LDLRAD3: variants seen among roughly 807,000 people sequenced by gnomAD.
LDLRAD3 encodes low-density lipoprotein receptor class A domain-containing protein 3.
A neutral mutation model predicts 29.4 loss-of-function variants in LDLRAD3; 20 were observed. The observed-to-expected ratio is 0.68, with a 90% CI of 0.48 to 0.99. The LOEUF (loss-of-function observed/expected upper bound fraction) is 0.99, where lower values mean the gene tolerates loss of function less well. Among genes scored for constraint, LDLRAD3 ranks in the 50% least tolerant of loss-of-function variants. The pLI is 0.00. For missense variants in LDLRAD3, 420 were observed against 454.3 expected (o/e 0.92, Z 0.69); for synonymous variants, 157 against 192.7 (o/e 0.81, Z 1.53).
intron 4 of LDLRAD3, among the ~76,000 whole-genome samples, chr11:36,207,082 ACTT>A (rs1355299512): frequency 6.6e-6 from 1 of 152,118 alleles, no homozygotes; most frequent in Non-Finnish European, 1.5e-5. Context: ...ATGTGATTGC[ACTT>A]CTTCTGTCTG....
intron 1 of LDLRAD3, among the ~76,000 whole-genome samples, chr11:35,989,213 T>G (rs1212705363): frequency 6.6e-6 from 1 of 152,216 alleles, no homozygotes; most frequent in African/African-American, 2.4e-5. Flanking sequence ...GGTTCTCTCT[T>G]CTGTTCCATT....
chr11:36,064,667 C>G (rs1852762768), intron 2 of LDLRAD3, among the ~76,000 whole-genome samples: 1 of 152,024 alleles, frequency 6.6e-6, no homozygotes, highest in Non-Finnish European at 1.5e-5. Context: ...TTCTTGTTTT[C>G]TAATGTAGGC....
chr11:36,071,177 T>C (rs983737064), intron 2 of LDLRAD3, among the ~76,000 whole-genome samples: 16 of 152,168 alleles, frequency 1.1e-4, no homozygotes, highest in African/African-American at 3.6e-4. Context: ...AAGGAGCAAC[T>C]TAACAAAAAT....
chr11:35,988,404 T>C (rs1250948816), intron 1 of LDLRAD3, among the ~76,000 whole-genome samples: 2 of 152,166 alleles, frequency 1.3e-5, no homozygotes, highest in Middle Eastern at 3.2e-3. Flanking sequence ...TTTTGCCCAC[T>C]TTTTAATGAG....
intron 1 of LDLRAD3, among the ~76,000 whole-genome samples, chr11:35,980,458 A>T (rs1357180194): frequency 6.6e-6 from 1 of 152,218 alleles, no homozygotes; most frequent in Non-Finnish European, 1.5e-5. Flanking sequence ...TGGAAATTCT[A>T]GTTCATTTAG....
chr11:36,096,545 G>A (rs192788863), intron 3 of LDLRAD3, among the ~76,000 whole-genome samples: 7 of 152,230 alleles, frequency 4.6e-5, no homozygotes, highest in Non-Finnish European at 8.8e-5. Flanking sequence ...CTGTAGGACC[G>A]AGATTCACAT....
chr11:36,020,885 C>G (rs897223199), intron 1 of LDLRAD3, among the ~76,000 whole-genome samples: 1 of 152,126 alleles, frequency 6.6e-6, no homozygotes, highest in African/African-American at 2.4e-5. Flanking sequence ...GAAGCCAAGA[C>G]TGGAGCCAGG....
chr11:36,115,452 C>G (rs1288337016), intron 4 of LDLRAD3, among the ~76,000 whole-genome samples: 1 of 152,080 alleles, frequency 6.6e-6, no homozygotes, highest in Non-Finnish European at 1.5e-5. Flanking sequence ...CTTACTTTTC[C>G]TAGGGGCAGC....
intron 4 of LDLRAD3, among the ~76,000 whole-genome samples, chr11:36,140,910 G>A (rs543431129): frequency 1.8e-4 from 28 of 151,704 alleles, no homozygotes; most frequent in Non-Finnish European, 2.9e-4. Context: ...TGCCTTATCC[G>A]AAAGGTACTA....
chr11:36,002,613 C>T (rs1214896243), intron 1 of LDLRAD3, among the ~76,000 whole-genome samples: 1 of 152,210 alleles, frequency 6.6e-6, no homozygotes, highest in Non-Finnish European at 1.5e-5. Flanking sequence ...TCATCAGGCC[C>T]GTCCTGGACT....
At chr11:36,105,263 AAGAC>A (rs1853512112) in intron 4 of LDLRAD3, among the ~76,000 whole-genome samples, 2 of 130,706 alleles carry the variant, frequency 1.5e-5, no homozygotes, top group African/African-American at 6.2e-5. Context: ...GAGAGAGAGA[AAGAC>A]AAGGCGGTGT....
At chr11:36,061,337 C>T (rs189300244) in intron 2 of LDLRAD3, among the ~76,000 whole-genome samples, 1 of 152,236 alleles carries the variant, frequency 6.6e-6, no homozygotes, top group African/African-American at 2.4e-5. Flanking sequence ...GACGGGGTTT[C>T]ACCATGTTGG....
At position 35,944,660 on chromosome 11, in the gene LDLRAD3, C is replaced by T. The variant is rs1352733218; in HGVS notation, c.46+516C>T. On this transcript the variant is annotated intron_variant, in intron 1 of 5. Coordinates refer to ENST00000315571, the MANE Select transcript of LDLRAD3 (RefSeq NM_174902.4). This position sits in a 1 kb window ranked among gnomAD's most constrained non-coding sequence, Gnocchi z 4.9. ...CGCGGAGGGAGTAGCAAAGCTGCTT[C>T]CTTTCATTCCTCTCTGGGACTGTTT... Among the ~76,000 whole-genome samples the T allele has an allele frequency of 6.6e-6, 1 of 152,184 alleles. No homozygotes were observed. The highest frequency in any genetic ancestry group is 2.4e-5 in the African/African-American group (1 of 41,454).
At chr11:36,105,236 TGTGAGA>T (rs1212832279) in intron 4 of LDLRAD3, among the ~76,000 whole-genome samples, 24 of 135,150 alleles carry the variant, frequency 1.8e-4, no homozygotes, top group African/African-American at 3.9e-4. Flanking sequence ...TGTGTGTGTG[TGTGAGA>T]GAGAGAGAGA....
At chr11:36,209,811 G>A (rs1855259613) in intron 4 of LDLRAD3, among the ~76,000 whole-genome samples, 1 of 152,180 alleles carries the variant, frequency 6.6e-6, no homozygotes, top group African/African-American at 2.4e-5. Flanking sequence ...ATGTATTGAT[G>A]TGCTTAATTA....
At chr11:36,172,082 C>A (rs1854606265) in intron 4 of LDLRAD3, among the ~76,000 whole-genome samples, 1 of 152,024 alleles carries the variant, frequency 6.6e-6, no homozygotes, top group Admixed American at 6.6e-5. Context: ...GTTTGTTTTG[C>A]AGCTATTGCA....
At chr11:36,048,616 C>T (rs181377794) in intron 2 of LDLRAD3, among the ~76,000 whole-genome samples, 35 of 152,314 alleles carry the variant, frequency 2.3e-4, no homozygotes, top group Admixed American at 5.2e-4. Flanking sequence ...CTAAATCCCC[C>T]AGTTCTTAGA....
chr11:36,207,815 C>T (rs1341207851), intron 4 of LDLRAD3, among the ~76,000 whole-genome samples: 2 of 152,186 alleles, frequency 1.3e-5, no homozygotes. Context: ...GGGAATAGAA[C>T]ATCTGGAGCG....
At chr11:36,040,488 C>A (rs1157256961) in intron 2 of LDLRAD3, among the ~76,000 whole-genome samples, 1 of 152,110 alleles carries the variant, frequency 6.6e-6, no homozygotes, top group Non-Finnish European at 1.5e-5. Context: ...AACATTTCAA[C>A]CTGTTAACAG....
Sources: allele counts gnomAD v4.1 joint callset (sites outside exome capture counted in the v4.1 genomes callset), GRCh38; gene constraint gnomAD v4.1.1; non-coding constraint Gnocchi (gnomAD v3.1); transcripts MANE v1.5; gene names NCBI Gene and HGNC (gene_info 2026-07-23, HGNC 2026-07-21).